The following EBPL variants were observed in gnomAD, a reference collection of about 807,000 sequenced individuals.
The protein encoded by EBPL is EBP like.
Under a neutral mutation model 19.0 loss-of-function variants are expected in EBPL, and 20 were observed. The observed-to-expected ratio is 1.05, with a 90% CI of 0.74 to 1.53. The LOEUF (loss-of-function observed/expected upper bound fraction) is 1.53, where lower values mean the gene tolerates loss of function less well. EBPL is among the 40% of genes most tolerant of loss of function. EBPL has a pLI of 0.00. For missense variants in EBPL, 219 were observed against 261.1 expected, an observed-to-expected ratio of 0.84 and a Z score of 1.11; for synonymous variants, 107 against 117.0, an observed-to-expected ratio of 0.91 and a Z score of 0.55.
intron 1 of EBPL, among the ~76,000 whole-genome samples, chr13:49,682,017 C>T (rs1020417450): frequency 1.3e-5 from 2 of 152,194 alleles, no homozygotes; most frequent in Admixed American, 1.3e-4. Context: ...CAACAGCATA[C>T]AACATTGTTT....
At chr13:49,682,659 C>G (rs1953954566) in intron 1 of EBPL, among the ~76,000 whole-genome samples, 2 of 152,218 alleles carry the variant, frequency 1.3e-5, no homozygotes, top group Admixed American at 1.3e-4. Flanking sequence ...AAGCACTACG[C>G]TAAGTTATAA....
chr13:49,666,092 T>C (rs1248539282), intron 2 of EBPL, among the ~76,000 whole-genome samples: 1 of 152,028 alleles, frequency 6.6e-6, no homozygotes, highest in East Asian at 1.9e-4. Flanking sequence ...CAGGGCCACA[T>C]AGGGGTTGCA....
intron 1 of EBPL, among the ~76,000 whole-genome samples, chr13:49,685,734 A>G (rs1011479960): frequency 6.6e-6 from 1 of 152,106 alleles, no homozygotes; most frequent in Non-Finnish European, 1.5e-5. Context: ...TTAGCTGGGC[A>G]TGGTGGCACG....
chr13:49,691,163 C>CA, intron 1 of EBPL, 91 bp downstream of exon 1: 1 of 1,156,576 alleles, frequency 8.6e-7, no homozygotes, highest in Non-Finnish European at 1.1e-6. Context: ...CAGCTCGCTG[C>CA]AAAAAGCCGC....
chr13:49,684,429 G>C (rs533305175), intron 1 of EBPL, among the ~76,000 whole-genome samples: 6 of 152,232 alleles, frequency 3.9e-5, no homozygotes, highest in Non-Finnish European at 8.8e-5. Flanking sequence ...CCAGCACTCC[G>C]GGAGGCCGAG....
chr13:49,686,576 G>A (rs776331947), intron 1 of EBPL: 139 of 1,289,500 alleles, frequency 1.1e-4, no homozygotes, highest in Admixed American at 6.4e-4. Flanking sequence ...CTCCTGGTTC[G>A]TGGTCTTTCC....
At chr13:49,674,918 C>T (rs567754995) in intron 1 of EBPL, among the ~76,000 whole-genome samples, 51 of 152,308 alleles carry the variant, frequency 3.3e-4, no homozygotes, top group African/African-American at 1.1e-3. Flanking sequence ...CATCCATTTC[C>T]AGAACTCTTC....
At chr13:49,669,922 G>T in intron 1 of EBPL, 76 bp from the exon 2 acceptor site, 2 of 1,153,634 alleles carry the variant, frequency 1.7e-6, no homozygotes, top group Non-Finnish European at 2.6e-6. Context: ...ACATGGCATT[G>T]CCTGGCTCCA....
At chr13:49,665,354 C>A (rs1161492492) in intron 2 of EBPL, among the ~76,000 whole-genome samples, 1 of 152,262 alleles carries the variant, frequency 6.6e-6, no homozygotes, top group African/African-American at 2.4e-5. Flanking sequence ...TCGCTGCAAC[C>A]TCCGCCTCCC....
intron 1 of EBPL, among the ~76,000 whole-genome samples, chr13:49,685,867 A>G (rs201874156): frequency 4.0e-4 from 60 of 150,320 alleles, no homozygotes; most frequent in Admixed American, 9.3e-4. Flanking sequence ...AGAGAGAGAA[A>G]AAAAAAAAAA....
chr13:49,662,057 G>A (rs1363480828), intron 3 of EBPL: 12 of 823,162 alleles, frequency 1.5e-5, no homozygotes, highest in African/African-American at 8.5e-5. Context: ...GCAGTGGCAC[G>A]AACGTGGCTC....
chr13:49,678,720 G>T (rs1953907909), intron 1 of EBPL, among the ~76,000 whole-genome samples: 1 of 152,058 alleles, frequency 6.6e-6, no homozygotes, highest in Admixed American at 6.5e-5. Context: ...CCCAGAGAGG[G>T]GCTCCCACAG....
At chr13:49,680,814 C>T (rs1945702517) in intron 1 of EBPL, among the ~76,000 whole-genome samples, 1 of 139,268 alleles carries the variant, frequency 7.2e-6, no homozygotes, top group Admixed American at 7.6e-5. Context: ...GAGCGAGATT[C>T]CGTCTCAAAA....
chr13:49,690,430 A>AC lies in EBPL; in HGVS notation c.171+823_171+824insG, dbSNP rs1487268081. On this transcript the variant is annotated intron_variant, in intron 1 of 3. Transcript: ENST00000242827. Reference sequence around the variant, plus strand: ...AAGGTCAACTTTACAAAAAAAAAAAAAAACAAACTGATACTTGGGCATAGT... The same window carrying AC: ...AAGGTCAACTTTACAAAAAAAAAAAACAAACAAACTGATACTTGGGCATAGT... Among the ~76,000 whole-genome samples the AC allele has an allele frequency of 5.7e-3, 843 of 147,212 alleles. 9 individuals carry two copies. The highest frequency in any genetic ancestry group is 0.016 in the African/African-American group (621 of 40,028).
chr13:49,685,965 A>G (rs1953992892), intron 1 of EBPL, among the ~76,000 whole-genome samples: 2 of 152,152 alleles, frequency 1.3e-5, no homozygotes, highest in Admixed American at 6.5e-5. Flanking sequence ...GCCCAGCTTC[A>G]GAGAGGGCGT....
chr13:49,672,333 A>G (rs1281838334), intron 1 of EBPL, among the ~76,000 whole-genome samples: 1 of 152,220 alleles, frequency 6.6e-6, no homozygotes, highest in Non-Finnish European at 1.5e-5. Context: ...TGTAACGAAT[A>G]TTCATGCCTT....
Position 49,663,556 on chromosome 13 carries a change from T to C in EBPL, c.242-361A>G, listed in dbSNP as rs540883585. On this transcript the variant is annotated intron_variant, in intron 2 of 3. Transcript: ENST00000242827. ...TCCAGTCATGATCTTGGTAAATACA[T>C]TGTAATTCCTTACTTCAAAATTTCC... Among the ~76,000 whole-genome samples the C allele has an allele frequency of 2.0e-5, 3 of 152,324 alleles. 1 individual carries two copies. Among genetic ancestry groups the C allele is most frequent in the African/African-American group, 4.8e-5 (2 of 41,570 alleles).
intron 1 of EBPL, among the ~76,000 whole-genome samples, chr13:49,684,775 T>A (rs192756656): frequency 1.1e-3 from 172 of 152,290 alleles, no homozygotes; most frequent in African/African-American, 3.7e-3. Context: ...AACAGAAGAT[T>A]TAAACAAATT....
chr13:49,662,072 C>A, intron 3 of EBPL: 2 of 723,652 alleles, frequency 2.8e-6, no homozygotes, highest in South Asian at 3.3e-5. Context: ...TGGCTCACTG[C>A]AACCTCCACT....
Sources: gnomAD v4.1 joint callset for allele counts (sites outside exome capture counted in the v4.1 genomes callset) on GRCh38, gnomAD v4.1.1 for gene constraint, MANE v1.5 for transcripts, NCBI Gene and HGNC (gene_info 2026-07-23, HGNC 2026-07-21) for gene names.